MCOLN3: variants seen among roughly 807,000 people sequenced by gnomAD.
MCOLN3 encodes the protein mucolipin-3.
Under a neutral mutation model 69.4 loss-of-function variants are expected in MCOLN3, and 62 were observed. The ratio of observed to expected loss-of-function variants is 0.89; its 90% CI spans 0.73 to 1.10. MCOLN3 has a LOEUF of 1.10. MCOLN3 is among the 50% of genes least tolerant of loss of function. The pLI, the probability that MCOLN3 is intolerant of heterozygous loss-of-function variation, is 0.00. For synonymous variants in MCOLN3, 183 were observed against 217.0 expected (o/e 0.84, Z 1.38); for missense variants, 564 against 656.4 (o/e 0.86, Z 1.54).
At chr1:85,047,782 A>C (rs1653442216) in intron 1 of MCOLN3, among the ~76,000 whole-genome samples, 1 of 152,094 alleles carries the variant, frequency 6.6e-6, no homozygotes, top group Admixed American at 6.5e-5. Context: ...AAGGGTTGAC[A>C]CTTTTGTTGG....
Position 85,045,357 on chromosome 1 carries a change from C to A in MCOLN3, c.4G>T (p.Ala2Ser), listed in dbSNP as rs1270263294. Reference sequence around the variant, plus strand: ...CTACTCACAACTACCTCAGGATCTGCCATCTCTAGAGGAAAAAAACAACAA... The same window carrying A: ...CTACTCACAACTACCTCAGGATCTGACATCTCTAGAGGAAAAAAACAACAA... M[A>S]DPEVVVSSCS... Residue 2 changes from alanine (A) to serine (S), a missense_variant, in exon 2 of 13, where the codon GCA becomes TCA. By Grantham distance (99) the Ala-to-Ser change is moderately conservative. Coordinates refer to ENST00000370589, the MANE Select transcript of MCOLN3 (RefSeq NM_018298.11). 1 of 1,610,592 alleles carries A rather than the reference C, an allele frequency of 6.2e-7. No individual in the cohort carries two copies. The highest frequency in any genetic ancestry group is 1.3e-5 in the African/African-American group (1 of 74,694).
intron 6 of MCOLN3, among the ~76,000 whole-genome samples, chr1:85,030,223 C>T (rs1013508931): frequency 6.6e-6 from 1 of 152,198 alleles, no homozygotes; most frequent in Non-Finnish European, 1.5e-5. Context: ...CCATGCTTTT[C>T]CTACACAAAG....
chr1:85,037,649 C>G (rs1252661333), intron 3 of MCOLN3, among the ~76,000 whole-genome samples: 1 of 152,208 alleles, frequency 6.6e-6, no homozygotes, highest in African/African-American at 2.4e-5. Flanking sequence ...TTGTGCAGGT[C>G]TGAGCATCTG....
At chr1:85,038,656 C>T (rs1235767862) in intron 3 of MCOLN3, among the ~76,000 whole-genome samples, 2 of 152,138 alleles carry the variant, frequency 1.3e-5, no homozygotes, top group Non-Finnish European at 2.9e-5. Context: ...TAAAGAAATG[C>T]TTTCTTCACA....
intron 12 of MCOLN3, among the ~76,000 whole-genome samples, chr1:85,019,733 C>T (rs1340021591): frequency 6.6e-6 from 1 of 152,228 alleles, no homozygotes; most frequent in Non-Finnish European, 1.5e-5. Context: ...GCCCAGAACA[C>T]CTCAGCACAG....
intron 9 of MCOLN3, 110 bp from the exon 10 acceptor site, chr1:85,022,510 A>T: frequency 1.5e-6 from 1 of 678,700 alleles, no homozygotes; most frequent in South Asian, 2.1e-5. Context: ...AGGATAAAGC[A>T]GTGAACAAAC....
chr1:85,031,235 C>T (rs1432773929), intron 6 of MCOLN3, among the ~76,000 whole-genome samples: 1 of 146,110 alleles, frequency 6.8e-6, no homozygotes, highest in Non-Finnish European at 1.5e-5. Context: ...CACACCACTG[C>T]ACTCCAGCCT....
chr1:85,034,045 A>C (rs902967547), intron 4 of MCOLN3, 53 bp downstream of exon 4: 7 of 1,562,928 alleles, frequency 4.5e-6, no homozygotes, highest in South Asian at 1.1e-5. Context: ...ACTAATTTTA[A>C]ATATAAATTG....
chr1:85,018,695 A>T lies in MCOLN3; in HGVS notation c.*428T>A, dbSNP rs1457535547. 2.6e-5 allele frequency: 4 copies of T among 156,804 alleles called. No homozygotes were observed. The highest frequency in any genetic ancestry group is 9.6e-5 in the African/African-American group (4 of 41,452). 9.7% of individuals were successfully genotyped at this position (156,804 alleles called of 1,614,324 possible). On this transcript the variant is annotated 3_prime_UTR_variant, in exon 13 of 13. Transcript: ENST00000370589. ...TACTGTATAAATGATAACTACACCC[A>T]CTCTCTCAAGGATGGACTCCTGAGA... is the stretch of plus-strand genomic sequence containing the variant.
At position 85,022,395 on chromosome 1, in the gene MCOLN3, T is replaced by C; in HGVS notation, c.1101A>G (p.Leu367=). Residue 367 remains leucine (L), a synonymous_variant, in exon 10 of 13, where the codon CTA becomes CTG. Transcript: ENST00000370589. ...GTATGCTACAGACATCATAACTAGT[T>C]AGACTCTAAGAGAGAGTGGAAAAAT... ...ILKMEIQAKS[L]TSYDVCSILL... is the part of the protein sequence containing the mutation. 1 of 1,596,772 alleles carries C rather than the reference T, an allele frequency of 6.3e-7. No individual in the cohort carries two copies. Among genetic ancestry groups the C allele is most frequent in the Non-Finnish European group, 8.6e-7 (1 of 1,165,656 alleles).
chr1:85,041,739 G>A (rs1227860357), intron 2 of MCOLN3, among the ~76,000 whole-genome samples: 1 of 151,802 alleles, frequency 6.6e-6, no homozygotes, highest in Admixed American at 6.6e-5. Flanking sequence ...GCATGGTGGC[G>A]CATGCCTGTA....
intron 9 of MCOLN3, 55 bp from the exon 10 acceptor site, chr1:85,022,455 A>C (rs2102916236): frequency 7.8e-7 from 1 of 1,287,766 alleles, no homozygotes; most frequent in South Asian, 1.2e-5. Context: ...TCATTTGGCA[A>C]TAAATATTGA....
At chr1:85,045,623 A>G (rs1160710328) in intron 1 of MCOLN3, among the ~76,000 whole-genome samples, 1 of 152,214 alleles carries the variant, frequency 6.6e-6, no homozygotes, top group Non-Finnish European at 1.5e-5. Flanking sequence ...CCATTAGTAA[A>G]AGATTATATG....
chr1:85,022,986 G>A (rs1652023546), intron 9 of MCOLN3: 1 of 152,264 alleles, frequency 6.6e-6, no homozygotes, highest in South Asian at 2.1e-4. Context: ...GTTGTTGGAG[G>A]AGTGAGGATG....
At chr1:85,038,973 T>A (rs932623603) in intron 3 of MCOLN3, among the ~76,000 whole-genome samples, 3 of 152,196 alleles carry the variant, frequency 2.0e-5, no homozygotes, top group African/African-American at 7.2e-5. Flanking sequence ...TCAGCCTGGG[T>A]GACATGGTGA....
intron 9 of MCOLN3, chr1:85,023,504 G>A (rs1200326874): frequency 5.3e-5 from 8 of 152,320 alleles, no homozygotes; most frequent in East Asian, 1.9e-4. Context: ...ACCATTAACC[G>A]AAATTTGAAA....
chr1:85,042,072 A>G (rs1047552650), intron 2 of MCOLN3, among the ~76,000 whole-genome samples: 3 of 152,228 alleles, frequency 2.0e-5, no homozygotes, highest in Admixed American at 6.5e-5. Flanking sequence ...AGAGTGAGGC[A>G]GAGTATATTT....
chr1:85,029,162 CTT>C lies in MCOLN3; in HGVS notation c.774_775del (p.Ile258MetfsTer4). On this transcript the variant is annotated frameshift_variant, in exon 7 of 13. Transcript: ENST00000370589. LOFTEE classifies it high-confidence loss of function. ...TCTGATGGAAATGTCATTATCTAAA[CTT>C]ATTTTAATTCTTCCACTATGGGCCT... 1 of 1,607,660 alleles carries C rather than the reference CTT, an allele frequency of 6.2e-7. No homozygotes were observed. Among genetic ancestry groups the C allele is most frequent in the South Asian group, 1.1e-5 (1 of 90,934 alleles).
chr1:85,025,741 T>G (rs984448637), intron 9 of MCOLN3, 198 bp downstream of exon 9: 10 of 551,256 alleles, frequency 1.8e-5, no homozygotes, highest in Non-Finnish European at 3.2e-5. Flanking sequence ...TGCAATGGTT[T>G]GTGGATCACA....
Sources: gnomAD v4.1 joint callset for allele counts (sites outside exome capture counted in the v4.1 genomes callset) on GRCh38, gnomAD v4.1.1 for gene constraint, MANE v1.5 for transcripts, NCBI Gene and HGNC (gene_info 2026-07-23, HGNC 2026-07-21) for gene names.